Variants in PAPSS2 observed in about 807,000 individuals in gnomAD.
PAPSS2 encodes the protein 3'-phosphoadenosine 5'-phosphosulfate synthase 2.
In PAPSS2, 61 loss-of-function variants were observed where a neutral mutation model predicts 66.5. The observed-to-expected ratio is 0.92, with a 90% CI of 0.75 to 1.14. The LOEUF is 1.14. PAPSS2 is among the 50% of genes most tolerant of loss of function. The pLI is 0.00. For missense variants in PAPSS2, 708 were observed against 789.6 expected, an observed-to-expected ratio of 0.90 and a Z score of 1.24; for synonymous variants, 289 against 287.5, an observed-to-expected ratio of 1.01 and a Z score of -0.05.
chr10:87,701,234 TTTC>T (rs1211986094), intron 1 of PAPSS2, among the ~76,000 whole-genome samples: 2 of 102,392 alleles, frequency 2.0e-5, no homozygotes, highest in African/African-American at 1.1e-4. Context: ...AATAATTTTC[TTTC>T]TTTTTTCTTT....
chr10:87,681,269 C>T (rs1853017778), intron 1 of PAPSS2, among the ~76,000 whole-genome samples: 1 of 152,224 alleles, frequency 6.6e-6, no homozygotes, highest in African/African-American at 2.4e-5. Context: ...CTTGAGCATT[C>T]ATGAGCATAA....
intron 10 of PAPSS2, among the ~76,000 whole-genome samples, chr10:87,741,900 G>C (rs527629544): frequency 1.4e-4 from 22 of 152,210 alleles, no homozygotes; most frequent in African/African-American, 5.3e-4. Flanking sequence ...GGGACTACAA[G>C]GCACATGCCA....
chr10:87,745,206 G>A lies in PAPSS2; in HGVS notation c.1696G>A (p.Ala566Thr). Residue 566 changes from alanine to threonine, a missense_variant, in exon 12 of 13, where the codon GCC (alanine) becomes ACC (threonine). Transcript: ENST00000456849. Reference sequence around the variant, plus strand: ...GGCTGCCTACAACAAAGCCAAAAAAGCCATGGACTTCTATGATCCAGCAAG... The same window carrying A: ...GGCTGCCTACAACAAAGCCAAAAAAACCATGGACTTCTATGATCCAGCAAG... ...RVAAYNKAKK[A>T]MDFYDPARHN... 1 of 1,613,474 alleles carries A rather than the reference G, an allele frequency of 6.2e-7. No homozygotes were observed. Among genetic ancestry groups the A allele is most frequent in the Non-Finnish European group, 8.5e-7 (1 of 1,179,674 alleles).
At position 87,713,158 on chromosome 10, in the gene PAPSS2, G is replaced by C. The variant is rs1402043986; in HGVS notation, c.229G>C (p.Asp77His). The C allele has an allele frequency of 6.2e-7, 1 of 1,613,156 alleles. No homozygotes were observed. Among genetic ancestry groups the C allele is most frequent in the Non-Finnish European group, 8.5e-7 (1 of 1,179,658 alleles). Residue 77 changes from aspartate (D) to histidine (H), a missense_variant, in exon 3 of 13, where the codon GAT (aspartate) becomes CAT (histidine). Asp to His is a moderately conservative substitution (Grantham distance 81). Coordinates refer to ENST00000456849, the MANE Select transcript of PAPSS2 (RefSeq NM_001015880.2). Reference sequence around the variant, plus strand: ...CCATGCCATCCCTTGTTACTCCCTGGATGGGGACAATGTCCGTCATGGCCT... The same window carrying C: ...CCATGCCATCCCTTGTTACTCCCTGCATGGGGACAATGTCCGTCATGGCCT... ...VSHAIPCYSL[D>H]GDNVRHGLNR...
intron 8 of PAPSS2, among the ~76,000 whole-genome samples, chr10:87,723,858 G>T (rs1853626188): frequency 1.3e-5 from 2 of 152,188 alleles, no homozygotes; most frequent in Admixed American, 6.5e-5. Flanking sequence ...GCATTGAAAA[G>T]TTAGGTTTAA....
intron 1 of PAPSS2, among the ~76,000 whole-genome samples, chr10:87,662,458 T>C (rs1463539613): frequency 6.6e-6 from 1 of 152,196 alleles, no homozygotes; most frequent in Non-Finnish European, 1.5e-5. Flanking sequence ...CCTTCTGTTT[T>C]ATGCATCTTT....
Position 87,743,492 on chromosome 10 carries a change from C to A in PAPSS2, c.1342C>A (p.Pro448Thr). ...CAAGCACCCGGTCCTCCTACTACAC[C>A]CTCTGGGCGGCTGGACCAAGGATGA... ...GYKHPVLLLHPLGGWTKDDDV... is the reference protein window; with the variant it reads ...GYKHPVLLLHTLGGWTKDDDV... Residue 448 changes from proline to threonine, a missense_variant, in exon 11 of 13, where the codon CCT becomes ACT. Pro to Thr is a conservative substitution (Grantham distance 38, BLOSUM62 -1). Coordinates refer to ENST00000456849, the MANE Select transcript of PAPSS2 (RefSeq NM_001015880.2). 1 of 1,614,116 alleles carries A rather than the reference C, an allele frequency of 6.2e-7. No homozygotes were observed. Among genetic ancestry groups the A allele is most frequent in the South Asian group, 1.1e-5 (1 of 91,082 alleles).
rs1298743125 is a variant in PAPSS2, at chr10:87,683,093, T to A, written c.27+23085T>A. Among the ~76,000 whole-genome samples the A allele has an allele frequency of 3.2e-5, 4 of 126,908 alleles. No individual in the cohort carries two copies. In the South Asian group the frequency reaches 8.3e-4, roughly 26 times the overall value. The allele number at this position is 126,908 out of a possible 152,430, so 83.3% of individuals were successfully genotyped here. A position where few individuals can be genotyped will look rare whatever the true frequency, so the allele number is the denominator to read the frequency against. ...TTTTTTTCTTTTCCTTTTTCTTTTT[T>A]CTTTTTTTTTTTTTTGAGACAGAGT... On this transcript the variant is annotated intron_variant, in intron 1 of 12. Transcript: ENST00000456849.
chr10:87,729,134 A>T (rs1470900793), intron 9 of PAPSS2, among the ~76,000 whole-genome samples: 2 of 152,020 alleles, frequency 1.3e-5, no homozygotes, highest in African/African-American at 4.8e-5. Context: ...CATACACATG[A>T]CTAGCACTAA....
chr10:87,671,538 T>C (rs2131896857), intron 1 of PAPSS2, among the ~76,000 whole-genome samples: 1 of 152,288 alleles, frequency 6.6e-6, no homozygotes, highest in East Asian at 1.9e-4. Flanking sequence ...TTAGAAATAA[T>C]TGCAGTGACT....
At chr10:87,660,451 C>CT (rs2131889333) in intron 1 of PAPSS2, 1 of 221,924 alleles carries the variant, frequency 4.5e-6, no homozygotes, top group African/African-American at 2.3e-5. Context: ...TTGGAGTGGG[C>CT]TTTAATGACG....
chr10:87,704,349 G>T (rs1285805178), intron 1 of PAPSS2, among the ~76,000 whole-genome samples: 1 of 152,120 alleles, frequency 6.6e-6, no homozygotes, highest in Non-Finnish European at 1.5e-5. Context: ...AACTTGCTGG[G>T]GAGACAATGA....
At chr10:87,726,218 T>G (rs1398966235) in intron 8 of PAPSS2, among the ~76,000 whole-genome samples, 5 of 152,106 alleles carry the variant, frequency 3.3e-5, no homozygotes, top group Admixed American at 2.6e-4. Flanking sequence ...GATCATGAGG[T>G]CAAGAGATCG....
chr10:87,723,331 C>G (rs766459548), intron 8 of PAPSS2, among the ~76,000 whole-genome samples: 3 of 152,190 alleles, frequency 2.0e-5, no homozygotes, highest in Non-Finnish European at 4.4e-5. Flanking sequence ...TGGATTTAAT[C>G]ATCTTCCATC....
chr10:87,660,352 G>A, intron 1 of PAPSS2: 1 of 476,186 alleles, frequency 2.1e-6, no homozygotes, highest in East Asian at 3.9e-5. Context: ...TTCCAGACCC[G>A]CCTTTTCTTC....
intron 2 of PAPSS2, among the ~76,000 whole-genome samples, chr10:87,712,133 T>C (rs1853469591): frequency 1.3e-5 from 2 of 152,236 alleles, no homozygotes; most frequent in Non-Finnish European, 2.9e-5. Flanking sequence ...TTTTCTCATA[T>C]AAAGACTCTA....
rs1564719741 is a variant in PAPSS2 at position 87,709,187 on chromosome 10, A to AT, written c.28-5dup. 6.3e-7 allele frequency: 1 copy of AT among 1,583,128 alleles called. No individual in the cohort carries two copies. The highest frequency in any genetic ancestry group is 8.7e-7 in the Non-Finnish European group (1 of 1,152,090). ...TTAATACTGTGCTTGGTTTTGTCTT[A>AT]TTTTATAGGAGAACCAGCAGAAATC... On this transcript the variant is annotated splice_polypyrimidine_tract_variant and intron_variant, in intron 1 of 12. Coordinates refer to ENST00000456849, the MANE Select transcript of PAPSS2 (RefSeq NM_001015880.2).
chr10:87,715,546 G>A (rs1482080445), intron 6 of PAPSS2, among the ~76,000 whole-genome samples, 186 bp from the exon 7 acceptor site: 1 of 152,144 alleles, frequency 6.6e-6, no homozygotes, highest in Admixed American at 6.5e-5. Context: ...TATTTCATAG[G>A]AAACTTCCAA....
rs986941037 is a variant in PAPSS2, at chr10:87,746,593, C to T, written c.*623C>T. Reference sequence around the variant, plus strand: ...TCTTAGAGATCTGTGCAGCCTATTTCTGTCACAAAAGTTATATTGTCTAAT... The same window carrying T: ...TCTTAGAGATCTGTGCAGCCTATTTTTGTCACAAAAGTTATATTGTCTAAT... On this transcript the variant is annotated 3_prime_UTR_variant, in exon 13 of 13. Transcript: ENST00000456849. 7 of 152,248 alleles carry T rather than the reference C, an allele frequency of 4.6e-5. No homozygotes were observed. The highest frequency in any genetic ancestry group is 1.7e-4 in the African/African-American group (7 of 41,442). 9.4% of individuals were successfully genotyped at this position (152,248 alleles called of 1,614,324 possible).
Sources: allele counts gnomAD v4.1 joint callset (sites outside exome capture counted in the v4.1 genomes callset), GRCh38; gene constraint gnomAD v4.1.1; transcripts MANE v1.5; gene names NCBI Gene and HGNC (gene_info 2026-07-23, HGNC 2026-07-21).